Variants in ZC3H13 observed in about 807,000 individuals in gnomAD.
ZC3H13 encodes the protein zinc finger CCCH domain-containing protein 13.
A neutral mutation model predicts 204.1 loss-of-function variants in ZC3H13; 64 were observed. The ratio of observed to expected loss-of-function variants is 0.31; its 90% CI spans 0.26 to 0.39. The LOEUF (loss-of-function observed/expected upper bound fraction) is 0.39, where lower values mean the gene tolerates loss of function less well. Ranked by LOEUF, ZC3H13 falls within the 10% of genes least tolerant of loss-of-function variation. The pLI is 1.00. For missense variants in ZC3H13, 1,833 were observed against 2,082.7 expected, an observed-to-expected ratio of 0.88 and a Z score of 2.33; for synonymous variants, 667 against 693.7, an observed-to-expected ratio of 0.96 and a Z score of 0.60.
At chr13:45,966,681 T>A (rs1312703752) in intron 15 of ZC3H13, among the ~76,000 whole-genome samples, 1 of 152,170 alleles carries the variant, frequency 6.6e-6, no homozygotes, top group East Asian at 1.9e-4. Flanking sequence ...AGAACCATGC[T>A]TTATGATTTG....
chr13:45,988,387 A>G (rs1430818485), intron 9 of ZC3H13, among the ~76,000 whole-genome samples: 2 of 152,268 alleles, frequency 1.3e-5, no homozygotes, highest in East Asian at 1.9e-4. Context: ...CTTCCCGAGT[A>G]GCTAGGACTA....
At chr13:46,043,881 A>G (rs1198734137) in intron 3 of ZC3H13, among the ~76,000 whole-genome samples, 2 of 152,000 alleles carry the variant, frequency 1.3e-5, no homozygotes, top group Non-Finnish European at 1.5e-5. Flanking sequence ...AAATGTATCA[A>G]AAGTATAGTA....
At chr13:45,976,600 T>C (rs968809869) in intron 11 of ZC3H13, among the ~76,000 whole-genome samples, 6 of 152,172 alleles carry the variant, frequency 3.9e-5, no homozygotes, top group African/African-American at 1.4e-4. Context: ...TTATATAAAT[T>C]TTTTCCATGT....
Position 45,963,924 on chromosome 13 carries a change from A to G in ZC3H13, c.4593T>C (p.Val1531=). 6.2e-7 allele frequency: 1 copy of G among 1,614,176 alleles called. No homozygotes were observed. The highest frequency in any genetic ancestry group is 8.5e-7 in the Non-Finnish European group (1 of 1,180,008). ...AACCTGCCAACTTTTTAGAAATCCC[A>G]ACTCTTAGCATAACAGCTCCAGGTG... The part of the protein sequence containing the change: ...KFTPGAVMLR[V]GISKKLAGSE... The change falls in exon 17 of 19, where the codon GTT becomes GTC. Residue 1531 remains valine (V), a synonymous_variant. Transcript: ENST00000679008.
At chr13:46,031,062 C>T (rs924222174) in intron 4 of ZC3H13, among the ~76,000 whole-genome samples, 6 of 151,948 alleles carry the variant, frequency 3.9e-5, no homozygotes, top group African/African-American at 7.3e-5. Flanking sequence ...CAGTGTGGGA[C>T]GGGCAAAAGA....
chr13:46,012,625 A>G (rs1050683955), intron 5 of ZC3H13, among the ~76,000 whole-genome samples: 2 of 152,168 alleles, frequency 1.3e-5, no homozygotes, highest in African/African-American at 2.4e-5. Context: ...TGTGTGACTA[A>G]GCTTGATTAC....
At chr13:46,022,273 A>G (rs879075006) in intron 4 of ZC3H13, among the ~76,000 whole-genome samples, 2 of 151,954 alleles carry the variant, frequency 1.3e-5, no homozygotes, top group Admixed American at 1.3e-4. Context: ...ATGCAGGCTT[A>G]AATAGGTGAT....
chr13:45,963,725 C>A, intron 17 of ZC3H13, 117 bp downstream of exon 17: 1 of 1,498,708 alleles, frequency 6.7e-7, no homozygotes, highest in Non-Finnish European at 8.9e-7. Context: ...AAAATGATTT[C>A]TCAAAAAATA....
intron 4 of ZC3H13, among the ~76,000 whole-genome samples, chr13:46,033,043 G>A (rs1350672136): frequency 6.6e-6 from 1 of 151,938 alleles, no homozygotes; most frequent in Non-Finnish European, 1.5e-5. Context: ...AATAAATGTG[G>A]TTACCTACAG....
chr13:46,033,260 T>C (rs1407465206), intron 4 of ZC3H13, among the ~76,000 whole-genome samples: 1 of 152,086 alleles, frequency 6.6e-6, no homozygotes, highest in Non-Finnish European at 1.5e-5. Flanking sequence ...TTTAACCACA[T>C]AGAGAAGACC....
At chr13:45,997,082 TA>T (rs1408778637) in intron 8 of ZC3H13, among the ~76,000 whole-genome samples, 1 of 152,234 alleles carries the variant, frequency 6.6e-6, no homozygotes, top group East Asian at 1.9e-4. Context: ...AGCACAGTAA[TA>T]AATCCATAAG....
intron 4 of ZC3H13, among the ~76,000 whole-genome samples, chr13:46,025,694 A>T (rs1209892516): frequency 6.6e-6 from 1 of 152,206 alleles, no homozygotes; most frequent in African/African-American, 2.4e-5. Flanking sequence ...GAACACTAAC[A>T]TTATCAACCA....
intron 12 of ZC3H13, among the ~76,000 whole-genome samples, chr13:45,971,728 G>C (rs1444774467): frequency 1.3e-5 from 2 of 152,080 alleles, no homozygotes; most frequent in East Asian, 3.8e-4. Context: ...CATAGAATGG[G>C]AGAAAATGTT....
chr13:46,052,221 A>C (rs2044505075), intron 1 of ZC3H13, among the ~76,000 whole-genome samples, 183 bp downstream of exon 1: 2 of 151,948 alleles, frequency 1.3e-5, no homozygotes, highest in Admixed American at 1.3e-4. Context: ...CCAGAATCAT[A>C]ATCAGAGTGA....
chr13:46,045,733 G>T (rs1371274531), intron 1 of ZC3H13, among the ~76,000 whole-genome samples: 2 of 152,070 alleles, frequency 1.3e-5, no homozygotes, highest in African/African-American at 4.8e-5. Flanking sequence ...ACAGCTGTGA[G>T]ATCTGTTGGC....
chr13:46,007,607 A>G (rs1471443830), intron 7 of ZC3H13, among the ~76,000 whole-genome samples: 1 of 152,232 alleles, frequency 6.6e-6, no homozygotes, highest in Non-Finnish European at 1.5e-5. Context: ...ATTTCTTCAC[A>G]TTACCATCAA....
At chr13:46,049,477 A>C (rs2044250430) in intron 1 of ZC3H13, among the ~76,000 whole-genome samples, 1 of 152,240 alleles carries the variant, frequency 6.6e-6, no homozygotes, top group African/African-American at 2.4e-5. Context: ...ATGTTACTTA[A>C]ATATTACTAA....
intron 4 of ZC3H13, among the ~76,000 whole-genome samples, chr13:46,034,736 A>G (rs1007185743): frequency 2.0e-5 from 3 of 152,142 alleles, no homozygotes; most frequent in Non-Finnish European, 4.4e-5. Context: ...TTTGAAAATT[A>G]TATTTCAATA....
intron 4 of ZC3H13, among the ~76,000 whole-genome samples, chr13:46,028,631 C>G (rs1187155573): frequency 6.6e-6 from 1 of 151,982 alleles, no homozygotes; most frequent in African/African-American, 2.4e-5. Context: ...TGAAATTAAA[C>G]TAGAAATCTG....
Sources: allele counts gnomAD v4.1 joint callset (sites outside exome capture counted in the v4.1 genomes callset), GRCh38; gene constraint gnomAD v4.1.1; transcripts MANE v1.5; gene names NCBI Gene and HGNC (gene_info 2026-07-23, HGNC 2026-07-21).